Variants in ZNF787 observed in about 807,000 individuals in gnomAD.
ZNF787 encodes the protein TTF-I-interacting peptide 20.
Under a neutral mutation model 16.9 loss-of-function variants are expected in ZNF787, and 7 were observed. The observed-to-expected ratio is 0.42, with a 90% CI of 0.24 to 0.78. The LOEUF (loss-of-function observed/expected upper bound fraction) is 0.78, where lower values mean the gene tolerates loss of function less well. ZNF787 is among the 30% of genes least tolerant of loss of function. The probability of loss-of-function intolerance (pLI) is 0.30; values close to 1 mark genes in which losing one functional copy is unlikely to be tolerated. For missense variants in ZNF787, 551 were observed against 589.3 expected (o/e 0.94, Z 0.67); for synonymous variants, 345 against 270.9 (o/e 1.27, Z -2.69).
At chr19:56,094,725 T>G (rs1328884087) in intron 2 of ZNF787, among the ~76,000 whole-genome samples, 1 of 152,166 alleles carries the variant, frequency 6.6e-6, no homozygotes, top group Admixed American at 6.6e-5. Flanking sequence ...GGACTGGTTT[T>G]GTGGAAGACA....
chr19:56,107,839 G>A (rs1463842145), intron 1 of ZNF787, among the ~76,000 whole-genome samples: 1 of 151,742 alleles, frequency 6.6e-6, no homozygotes, highest in African/African-American at 2.4e-5. Flanking sequence ...GGCTGCGGGA[G>A]AGGCCGCTCG....
In ZNF787 at chr19:56,088,984, GGCGGCC is replaced by G. The variant is rs763440600; in HGVS notation, c.182_187del (p.Arg61_Pro62del). On this transcript the variant is annotated inframe_deletion, in exon 3 of 3. Transcript: ENST00000610935. This position sits in a 1 kb window ranked among gnomAD's most constrained non-coding sequence, Gnocchi z 8.6. ...ACACTCGTTGCAGATGTAGGGGGCG[GGCGGCC>G]GCGGCCGGGGAGGCGGGCCGGCTGG... 3 of 1,504,748 alleles carry G rather than the reference GGCGGCC, an allele frequency of 2.0e-6. No individual in the cohort carries two copies. Among genetic ancestry groups the G allele is most frequent in the Non-Finnish European group, 2.7e-6 (3 of 1,128,610 alleles). 93.2% of individuals were successfully genotyped at this position (1,504,748 alleles called of 1,614,324 possible).
intron 2 of ZNF787, among the ~76,000 whole-genome samples, chr19:56,099,721 A>AAAAAAG (rs1555776406): frequency 2.7e-5 from 4 of 150,892 alleles, no homozygotes; most frequent in African/African-American, 4.9e-5. Context: ...AAAAAAAAAA[A>AAAAAAG]AAAAGAAAAG....
In ZNF787 at chr19:56,087,985, C is replaced by G. The variant is rs1299715988; in HGVS notation, c.*38G>C. The G allele has an allele frequency of 7.7e-7, 1 of 1,297,906 alleles. No individual in the cohort carries two copies. Among genetic ancestry groups the G allele is most frequent in the South Asian group, 2.0e-5 (1 of 49,814 alleles). 80.4% of individuals were successfully genotyped at this position (1,297,906 alleles called of 1,614,324 possible). On this transcript the variant is annotated 3_prime_UTR_variant, in exon 3 of 3. Coordinates refer to ENST00000610935, the MANE Select transcript of ZNF787 (RefSeq NM_001002836.4). ...TGCACGTCGTCGCTCCCGCCAAGCCCGAGGGGCCCTGCCCGCCCCCCCCCC... is the reference window on the plus strand; with the variant it reads ...TGCACGTCGTCGCTCCCGCCAAGCCGGAGGGGCCCTGCCCGCCCCCCCCCC...
chr19:56,118,183 A>T (rs1555778234), intron 1 of ZNF787, among the ~76,000 whole-genome samples: 1 of 151,910 alleles, frequency 6.6e-6, no homozygotes, highest in Non-Finnish European at 1.5e-5. Flanking sequence ...GACTGCTCGA[A>T]CTCCACACCT....
chr19:56,117,362 G>A (rs1217099728), intron 1 of ZNF787, among the ~76,000 whole-genome samples: 1 of 151,372 alleles, frequency 6.6e-6, no homozygotes, highest in African/African-American at 2.4e-5. Context: ...CCACAGCGAG[G>A]CTTCCACAAG....
At chr19:56,095,340 T>C (rs1192688332) in intron 2 of ZNF787, among the ~76,000 whole-genome samples, 1 of 152,214 alleles carries the variant, frequency 6.6e-6, no homozygotes, top group Non-Finnish European at 1.5e-5. Flanking sequence ...ATCTTGATCT[T>C]GTTGGGATGC....
At chr19:56,091,126 G>C (rs932483889) in intron 2 of ZNF787, among the ~76,000 whole-genome samples, 2 of 152,210 alleles carry the variant, frequency 1.3e-5, no homozygotes, top group Admixed American at 1.3e-4. Context: ...GATGTAGAGA[G>C]AATTAAAAAC....
intron 1 of ZNF787, among the ~76,000 whole-genome samples, chr19:56,107,855 C>T (rs1024390959): frequency 2.8e-5 from 4 of 145,216 alleles, no homozygotes; most frequent in African/African-American, 5.3e-5. Flanking sequence ...GCTCGAAGGC[C>T]GGGCATGCTG....
At chr19:56,097,545 A>G (rs1288893460) in intron 2 of ZNF787, among the ~76,000 whole-genome samples, 1 of 152,266 alleles carries the variant, frequency 6.6e-6, no homozygotes, top group Non-Finnish European at 1.5e-5. Context: ...GGCGGCCAGC[A>G]TGTAAATGAA....
chr19:56,121,041 G>C (rs1271614275), intron 1 of ZNF787, 131 bp downstream of exon 1: 3 of 97,856 alleles, frequency 3.1e-5, no homozygotes, highest in Non-Finnish European at 6.1e-5. Flanking sequence ...CCCCCCAGCA[G>C]CGCGCACGCG....
intron 2 of ZNF787, among the ~76,000 whole-genome samples, chr19:56,100,702 A>AC (rs1426933739): frequency 7.5e-6 from 1 of 134,216 alleles, no homozygotes; most frequent in East Asian, 2.3e-4. Context: ...CATAAGCGGG[A>AC]CCCCACATGC....
At chr19:56,120,828 A>C (rs1364387264) in intron 1 of ZNF787, among the ~76,000 whole-genome samples, 1 of 130,404 alleles carries the variant, frequency 7.7e-6, no homozygotes, top group Non-Finnish European at 1.6e-5. Context: ...GGCCCGCAGC[A>C]GAGGGACCCC....
rs377328727 is a variant in ZNF787 at position 56,115,657 on chromosome 19, C to T, written c.-11+5515G>A. Among the ~76,000 whole-genome samples, 147 of 152,232 alleles carry T rather than the reference C, an allele frequency of 9.7e-4. 1 individual carries two copies. Among genetic ancestry groups the T allele is most frequent in the African/African-American group, 3.3e-3 (135 of 41,538 alleles). ...AAAGGTTTCCCGCATGCCTCCCACC[C>T]GCACCACCCACACCCTCCCCGTCAG... On this transcript the variant is annotated intron_variant, in intron 1 of 2. Transcript: ENST00000610935.
At chr19:56,111,347 T>C (rs2029974265) in intron 1 of ZNF787, among the ~76,000 whole-genome samples, 1 of 152,036 alleles carries the variant, frequency 6.6e-6, no homozygotes, top group South Asian at 2.1e-4. Context: ...GCTGCTGCCC[T>C]GGAATTCCTG....
intron 2 of ZNF787, chr19:56,102,432 T>TGCAGACC: frequency 6.1e-6 from 1 of 163,284 alleles, no homozygotes; most frequent in Non-Finnish European, 1.3e-5. Context: ...GGAGGCGGCC[T>TGCAGACC]CCGTGGAGGG....
At chr19:56,118,214 G>A (rs758006783) in intron 1 of ZNF787, among the ~76,000 whole-genome samples, 105 of 152,208 alleles carry the variant, frequency 6.9e-4, no homozygotes, top group Middle Eastern at 3.2e-3. Flanking sequence ...CCCTGATGCT[G>A]GGTGAGTGAG....
chr19:56,099,257 A>G (rs1253396053), intron 2 of ZNF787, among the ~76,000 whole-genome samples: 1 of 152,148 alleles, frequency 6.6e-6, no homozygotes, highest in African/African-American at 2.4e-5. Flanking sequence ...CCTGGCCCCC[A>G]AGACGGGACC....
intron 1 of ZNF787, among the ~76,000 whole-genome samples, chr19:56,117,925 A>C (rs1007909339): frequency 1.3e-5 from 2 of 152,252 alleles, no homozygotes; most frequent in Non-Finnish European, 2.9e-5. Context: ...CAGGGGGGCC[A>C]GATGGGACCC....
Sources: allele counts gnomAD v4.1 joint callset (sites outside exome capture counted in the v4.1 genomes callset), GRCh38; gene constraint gnomAD v4.1.1; non-coding constraint Gnocchi (gnomAD v3.1); transcripts MANE v1.5; gene names NCBI Gene and HGNC (gene_info 2026-07-23, HGNC 2026-07-21).